DENND6A: variants seen among roughly 807,000 people sequenced by gnomAD.
The protein encoded by DENND6A is protein DENND6A.
A neutral mutation model predicts 95.5 loss-of-function variants in DENND6A; 43 were observed. The observed-to-expected ratio is 0.45, with a 90% confidence interval of 0.35 to 0.58. The LOEUF (loss-of-function observed/expected upper bound fraction) is 0.58. Ranked by LOEUF, DENND6A falls within the 20% of genes least tolerant of loss-of-function variation. DENND6A has a pLI of 0.00. For synonymous variants in DENND6A, 257 were observed against 260.4 expected (o/e 0.99, Z 0.13); for missense variants, 574 against 736.0 (o/e 0.78, Z 2.55).
At chr3:57,686,456 G>A (rs112542755) in intron 1 of DENND6A, among the ~76,000 whole-genome samples, 4 of 152,120 alleles carry the variant, frequency 2.6e-5, no homozygotes, top group African/African-American at 9.6e-5. Context: ...GTTTTATTGT[G>A]CATCATTTTA....
chr3:57,630,644 A>C, intron 17 of DENND6A, 71 bp downstream of exon 17: 1 of 1,552,994 alleles, frequency 6.4e-7, no homozygotes, highest in Non-Finnish European at 8.7e-7. Flanking sequence ...GAATAAGCTT[A>C]AGTTTAGCTT....
At chr3:57,665,318 G>C (rs1029957444) in intron 4 of DENND6A, among the ~76,000 whole-genome samples, 6 of 152,152 alleles carry the variant, frequency 3.9e-5, no homozygotes, top group Non-Finnish European at 5.9e-5. Flanking sequence ...TAAAACAAGA[G>C]GTGGGATGAC....
Position 57,650,007 on chromosome 3 carries a change from T to C in DENND6A, c.819-3569A>G, listed in dbSNP as rs114593387. 7.0e-3 allele frequency among the ~76,000 whole-genome samples: 1,060 copies of C among 151,996 alleles called. 7 individuals are homozygous for C. Among genetic ancestry groups the C allele is most frequent in the Non-Finnish European group, 0.011 (747 of 67,974 alleles). Reference sequence around the variant, plus strand: ...GGCATTCAGAGCGCCCTAGATGGAATTGGAGACCATTATTCTAAAGTAACT... The same window carrying C: ...GGCATTCAGAGCGCCCTAGATGGAACTGGAGACCATTATTCTAAAGTAACT... On this transcript the variant is annotated intron_variant, in intron 9 of 19. Coordinates refer to ENST00000311128, the MANE Select transcript of DENND6A (RefSeq NM_152678.3).
chr3:57,687,778 TA>T, intron 1 of DENND6A, among the ~76,000 whole-genome samples: 1 of 151,832 alleles, frequency 6.6e-6, no homozygotes, highest in Non-Finnish European at 1.5e-5. Flanking sequence ...ACAAAAAATT[TA>T]AAAATTAGCC....
At position 57,682,281 on chromosome 3, in the gene DENND6A, CAAAAA is replaced by C. The variant is rs10618015; in HGVS notation, c.238-9848_238-9844del. Among the ~76,000 whole-genome samples the C allele has an allele frequency of 6.1e-3, 324 of 53,528 alleles. 2 individuals are homozygous for C. Among genetic ancestry groups the C allele is most frequent in the African/African-American group, 0.026 (318 of 12,162 alleles). The allele number at this position is 53,528 out of a possible 152,430, so 35.1% of individuals were successfully genotyped here. A position where few individuals can be genotyped will look rare whatever the true frequency, so the allele number is the denominator to read the frequency against. On this transcript the variant is annotated intron_variant, in intron 1 of 19. Coordinates refer to ENST00000311128, the MANE Select transcript of DENND6A (RefSeq NM_152678.3). ...GGGCAACAAGAGTGAGACTCCGTCT[CAAAAA>C]AAAAAAAAAAAAAAAAAAAAAAAAT...
chr3:57,691,441 A>G (rs372435383), intron 1 of DENND6A, among the ~76,000 whole-genome samples: 13 of 152,326 alleles, frequency 8.5e-5, no homozygotes, highest in African/African-American at 2.6e-4. Flanking sequence ...TATTGCCTCA[A>G]TCTACAAATA....
Position 57,650,715 on chromosome 3 carries a change from A to G in DENND6A, c.819-4277T>C, listed in dbSNP as rs1354389292. Among the ~76,000 whole-genome samples the G allele has an allele frequency of 3.9e-5, 6 of 152,316 alleles. No homozygotes were observed. In the East Asian group the frequency reaches 1.2e-3, roughly 29 times the overall value. On this transcript the variant is annotated intron_variant, in intron 9 of 19. Transcript: ENST00000311128. ...GACAGTAGCATTATTCATAATAACC[A>G]AAAGTGTAAACCATCCAAACCTGCA... is the stretch of plus-strand genomic sequence containing the variant.
chr3:57,681,043 T>C (rs1422018264), intron 1 of DENND6A, among the ~76,000 whole-genome samples: 1 of 152,140 alleles, frequency 6.6e-6, no homozygotes, highest in African/African-American at 2.4e-5. Flanking sequence ...TAGGTATATA[T>C]CCAAGAAAAG....
At chr3:57,642,044 G>A (rs926269468) in intron 11 of DENND6A, among the ~76,000 whole-genome samples, 1 of 152,126 alleles carries the variant, frequency 6.6e-6, no homozygotes, top group Non-Finnish European at 1.5e-5. Flanking sequence ...GCCGAGCGCG[G>A]TGATTCACGC....
intron 1 of DENND6A, among the ~76,000 whole-genome samples, chr3:57,681,532 G>A (rs536610578): frequency 2.6e-5 from 4 of 151,460 alleles, no homozygotes; most frequent in African/African-American, 7.3e-5. Context: ...GCTGAGGCAG[G>A]AGGGTTGCTT....
Position 57,633,338 on chromosome 3 carries a change from C to T in DENND6A, c.1280G>A (p.Arg427His), listed in dbSNP as rs748884235. 32 of 1,613,504 alleles carry T rather than the reference C, an allele frequency of 2.0e-5. No homozygotes were observed. Among genetic ancestry groups the T allele is most frequent in the South Asian group, 2.2e-5 (2 of 91,004 alleles). The part of the protein sequence containing the change: ...KQLQKGVQQK[R>H]PSEAQSVILR... ...AATAACACTTTGAGCCTCAGAAGGACGTTTCTGTTGTACACCCTTAAAAGA... is the reference window on the plus strand; with the variant it reads ...AATAACACTTTGAGCCTCAGAAGGATGTTTCTGTTGTACACCCTTAAAAGA... The change falls in exon 15 of 20, where the codon CGT becomes CAT. Residue 427 changes from arginine to histidine, a missense_variant. By Grantham distance (29) the Arg-to-His change is conservative. Around this residue, in one of 2 missense-constraint regions of DENND6A, gnomAD observed 452 missense variants for 630.9 expected, o/e 0.72. Coordinates refer to ENST00000311128, the MANE Select transcript of DENND6A (RefSeq NM_152678.3).
At chr3:57,675,071 C>CT (rs1054826399) in intron 1 of DENND6A, among the ~76,000 whole-genome samples, 8 of 152,250 alleles carry the variant, frequency 5.3e-5, no homozygotes, top group Admixed American at 4.6e-4. Context: ...CAACAAACCC[C>CT]TGAGACATGA....
intron 1 of DENND6A, among the ~76,000 whole-genome samples, chr3:57,691,984 C>T (rs2077270172): frequency 6.6e-6 from 1 of 151,814 alleles, no homozygotes; most frequent in Non-Finnish European, 1.5e-5. Flanking sequence ...GTAATCCCAC[C>T]ACTTTGGAAG....
At chr3:57,660,602 T>G (rs6445918) in intron 7 of DENND6A, among the ~76,000 whole-genome samples, 158 bp downstream of exon 7, 109,517 of 151,936 alleles carry the variant, frequency 0.72, 41,443 homozygotes, top group East Asian at 1. Flanking sequence ...TGGCTACTTG[T>G]GGGGCTGAAG....
chr3:57,682,200 G>C (rs1028164943), intron 1 of DENND6A, among the ~76,000 whole-genome samples: 1 of 136,344 alleles, frequency 7.3e-6, no homozygotes, highest in African/African-American at 2.8e-5. Flanking sequence ...AGAATCGCTT[G>C]AACCCGGCAG....
intron 1 of DENND6A, 40 bp downstream of exon 1, chr3:57,692,742 C>A: frequency 7.1e-7 from 1 of 1,403,858 alleles, no homozygotes; most frequent in Non-Finnish European, 9.2e-7. Flanking sequence ...CGCCCCGGCG[C>A]AGGGGAGGAG....
chr3:57,663,257 G>C (rs1575847796), intron 5 of DENND6A, among the ~76,000 whole-genome samples: 1 of 149,230 alleles, frequency 6.7e-6, no homozygotes, highest in East Asian at 2.0e-4. Context: ...ACAAGGTCAA[G>C]AGTTCAAGAC....
At chr3:57,688,116 C>T (rs1189135970) in intron 1 of DENND6A, among the ~76,000 whole-genome samples, 1 of 151,978 alleles carries the variant, frequency 6.6e-6, no homozygotes, top group Non-Finnish European at 1.5e-5. Context: ...CTGCCTCAGC[C>T]TCCCGAGTAG....
chr3:57,663,746 TG>T (rs150409338), intron 4 of DENND6A, 30 bp from the exon 5 acceptor site: 23 of 1,369,314 alleles, frequency 1.7e-5, no homozygotes, highest in South Asian at 4.0e-5. Flanking sequence ...TAAGTGTGTG[TG>T]GGGGGGTACA....
Sources: gnomAD v4.1 joint callset for allele counts (sites outside exome capture counted in the v4.1 genomes callset) on GRCh38, gnomAD v4.1.1 for gene constraint, gnomAD v4.1.1 regional missense constraint, MANE v1.5 for transcripts, NCBI Gene and HGNC (gene_info 2026-07-23, HGNC 2026-07-21) for gene names.